MARCO: variants seen among roughly 807,000 people sequenced by gnomAD.
MARCO encodes macrophage receptor with collagenous structure.
Under a neutral mutation model 70.0 loss-of-function variants are expected in MARCO, and 72 were observed. The observed-to-expected ratio is 1.03, with a 90% CI of 0.85 to 1.25. The LOEUF (loss-of-function observed/expected upper bound fraction) is 1.25. MARCO is among the 50% of genes most tolerant of loss of function. The probability of loss-of-function intolerance (pLI) is 0.00; values close to 1 mark genes in which losing one functional copy is unlikely to be tolerated. For synonymous variants in MARCO, 273 were observed against 243.1 expected (o/e 1.12, Z -1.14); for missense variants, 696 against 659.3 (o/e 1.06, Z -0.61).
chr2:118,953,308 GT>G (rs1679763823), intron 1 of MARCO, among the ~76,000 whole-genome samples: 1 of 152,206 alleles, frequency 6.6e-6, no homozygotes, highest in Non-Finnish European at 1.5e-5. Context: ...CTTGAAGAAA[GT>G]TAGTCCTCAA....
At chr2:118,986,687 A>G (rs1381354132) in intron 12 of MARCO, among the ~76,000 whole-genome samples, 2 of 72,638 alleles carry the variant, frequency 2.8e-5, no homozygotes, top group South Asian at 4.8e-4. Context: ...GAAAGAAAGA[A>G]AGAAAGAAAG....
chr2:118,960,193 T>G (rs1442593003), intron 1 of MARCO, among the ~76,000 whole-genome samples: 1 of 152,034 alleles, frequency 6.6e-6, no homozygotes, highest in African/African-American at 2.4e-5. Flanking sequence ...TAGATGGTCA[T>G]GTACTCTACA....
At chr2:118,974,464 C>G (rs1198866437) in intron 5 of MARCO, 24 bp downstream of exon 5, 1 of 1,612,086 alleles carries the variant, frequency 6.2e-7, no homozygotes, top group South Asian at 1.1e-5. Flanking sequence ...TCTTCTGACC[C>G]TTAATCATTT....
chr2:118,964,591 C>T (rs957701612), intron 1 of MARCO, among the ~76,000 whole-genome samples: 1 of 152,110 alleles, frequency 6.6e-6, no homozygotes, highest in Non-Finnish European at 1.5e-5. Context: ...TTCTGTCATT[C>T]AAATTGGTAT....
intron 16 of MARCO, 50 bp from the exon 17 acceptor site, chr2:118,994,337 G>T: frequency 1.2e-6 from 2 of 1,611,332 alleles, no homozygotes; most frequent in South Asian, 2.2e-5. Context: ...TCTTTGCTTT[G>T]ACTCTAATCC....
chr2:118,993,171 C>A lies in MARCO; in HGVS notation c.1300C>A (p.Arg434=). 6.2e-7 allele frequency: 1 copy of A among 1,614,180 alleles called. No individual in the cohort carries two copies. The highest frequency in any genetic ancestry group is 2.2e-5 in the East Asian group (1 of 44,870). ...GATTGTCGGCAGTAGTAACCGAGGC[C>A]GGGCTGAAGTTTACTACAGTGGTAC... The part of the protein sequence containing the change: ...VRIVGSSNRG[R]AEVYYSGTWG... Residue 434 remains arginine (R), a synonymous_variant, in exon 16 of 17, where the codon CGG becomes AGG. Transcript: ENST00000327097.
chr2:118,944,784 T>TA (rs575092840), intron 1 of MARCO: 2 of 152,176 alleles, frequency 1.3e-5, no homozygotes, highest in East Asian at 3.9e-4. Context: ...AAATTAATCT[T>TA]AAAAAAAGGA....
intron 12 of MARCO, among the ~76,000 whole-genome samples, chr2:118,984,016 A>T (rs1023525309): frequency 4.6e-5 from 7 of 152,122 alleles, no homozygotes; most frequent in African/African-American, 1.7e-4. Context: ...TCTTCTTGAC[A>T]CCCAGTGGGA....
At chr2:118,953,251 A>G (rs925241334) in intron 1 of MARCO, among the ~76,000 whole-genome samples, 3 of 152,254 alleles carry the variant, frequency 2.0e-5, no homozygotes, top group Admixed American at 2.0e-4. Context: ...TTCAACAGTT[A>G]CATAGGCTAG....
chr2:118,993,017 T>C, intron 15 of MARCO, 107 bp from the exon 16 acceptor site: 1 of 1,034,944 alleles, frequency 9.7e-7, no homozygotes, highest in Admixed American at 2.2e-5. Flanking sequence ...AGCAGGGGCA[T>C]TTCTTTTCCT....
chr2:118,981,263 G>A (rs535639976), intron 8 of MARCO, 146 bp from the exon 9 acceptor site: 21 of 646,860 alleles, frequency 3.2e-5, no homozygotes, highest in South Asian at 2.3e-4. Flanking sequence ...TGAGGGCAGC[G>A]GTCATATCTT....
At chr2:118,985,411 T>C (rs1558670966) in intron 12 of MARCO, among the ~76,000 whole-genome samples, 1 of 152,144 alleles carries the variant, frequency 6.6e-6, no homozygotes, top group Non-Finnish European at 1.5e-5. Flanking sequence ...TCTACCCCAT[T>C]CAGGTGAAAT....
chr2:118,983,069 A>C (rs1680424821), intron 12 of MARCO, among the ~76,000 whole-genome samples: 1 of 152,222 alleles, frequency 6.6e-6, no homozygotes, highest in East Asian at 1.9e-4. Flanking sequence ...CCTGACATGC[A>C]GGGTATTGCA....
At chr2:118,955,915 C>A (rs2104557234) in intron 1 of MARCO, among the ~76,000 whole-genome samples, 1 of 152,216 alleles carries the variant, frequency 6.6e-6, no homozygotes, top group South Asian at 2.1e-4. Flanking sequence ...AGATAATTCA[C>A]CATGGCCAAG....
At chr2:118,973,078 A>G (rs181812926) in intron 4 of MARCO, among the ~76,000 whole-genome samples, 1 of 148,624 alleles carries the variant, frequency 6.7e-6, no homozygotes, top group Non-Finnish European at 1.5e-5. Flanking sequence ...CTCTCTCTCC[A>G]TGTCTCTCTC....
chr2:118,958,670 T>G (rs1679883080), intron 1 of MARCO, among the ~76,000 whole-genome samples: 1 of 152,018 alleles, frequency 6.6e-6, no homozygotes, highest in African/African-American at 2.4e-5. Flanking sequence ...AAAATTCATA[T>G]GGAACCAAAA....
intron 8 of MARCO, among the ~76,000 whole-genome samples, chr2:118,978,663 C>A (rs1030857296): frequency 6.6e-6 from 1 of 152,152 alleles, no homozygotes; most frequent in Non-Finnish European, 1.5e-5. Context: ...CCCTTCTGAG[C>A]TTTAATGTTC....
At chr2:118,981,540 C>T in intron 9 of MARCO, 33 bp downstream of exon 9, 1 of 1,552,944 alleles carries the variant, frequency 6.4e-7, no homozygotes, top group Non-Finnish European at 8.8e-7. Context: ...CCACTGACCT[C>T]TAGGTATTTC....
rs202033703 is a variant in MARCO, at chr2:118,982,208, A to G, written c.954A>G (p.Pro318=). Residue 318 remains proline (P), a synonymous_variant, in exon 11 of 17, where the codon CCA becomes CCG. Transcript: ENST00000327097. ...GCCCTCCTGGTGCAGTGGGACACCC[A>G]GGTGCCAAGGGTGAGCCTGGCAGTG... ...VPGPPGAVGH[P]GAKGEPGSAG... 2.5e-6 allele frequency: 4 copies of G among 1,613,368 alleles called. No individual in the cohort carries two copies. The East Asian group carries it at 8.9e-5, about 36-fold the overall frequency.
Sources: allele counts gnomAD v4.1 joint callset (sites outside exome capture counted in the v4.1 genomes callset), GRCh38; gene constraint gnomAD v4.1.1; transcripts MANE v1.5; gene names NCBI Gene and HGNC (gene_info 2026-07-23, HGNC 2026-07-21).